MAP2: variants seen among roughly 807,000 people sequenced by gnomAD.
MAP2 encodes microtubule associated protein 2, also known as microtubule-associated protein 2.
MAP2 carries 14 observed loss-of-function variants against 137.6 expected under a neutral mutation model. The observed-to-expected ratio is 0.10, with a 90% confidence interval of 0.07 to 0.16. The LOEUF (loss-of-function observed/expected upper bound fraction) is 0.16, where lower values mean the gene tolerates loss of function less well. Among genes scored for constraint, MAP2 ranks in the 10% least tolerant of loss-of-function variants. The pLI, the probability that MAP2 is intolerant of heterozygous loss-of-function variation, is 1.00. For missense variants in MAP2, 2,088 were observed against 2,191.5 expected, an observed-to-expected ratio of 0.95 and a Z score of 0.94; for synonymous variants, 786 against 782.3, an observed-to-expected ratio of 1.00 and a Z score of -0.08.
At chr2:209,451,587 T>C (rs1272277605) in intron 1 of MAP2, among the ~76,000 whole-genome samples, 1 of 152,182 alleles carries the variant, frequency 6.6e-6, no homozygotes, top group Non-Finnish European at 1.5e-5. Flanking sequence ...ACATCCCTCC[T>C]TGGTTTCCGT....
rs1258556237 is a variant in MAP2, at chr2:209,732,344, A to G, written c.*1947A>G. On this transcript the variant is annotated 3_prime_UTR_variant, in exon 16 of 16. Transcript: ENST00000682079. ...TACAAGAAACCCTAGGAGCAAACCC[A>G]CACCACTCATTCTCAGCTAAGAGAT... 1 of 152,210 alleles carries G rather than the reference A, an allele frequency of 6.6e-6. No homozygotes were observed. Among genetic ancestry groups the G allele is most frequent in the African/African-American group, 2.4e-5 (1 of 41,460 alleles). 9.4% of individuals were successfully genotyped at this position (152,210 alleles called of 1,614,324 possible). A position where few individuals can be genotyped will look rare whatever the true frequency, so the allele number is the denominator to read the frequency against.
intron 4 of MAP2, among the ~76,000 whole-genome samples, chr2:209,629,496 C>T (rs1327119508): frequency 6.6e-6 from 1 of 152,106 alleles, no homozygotes; most frequent in African/African-American, 2.4e-5. Context: ...GTATTTTCAC[C>T]ATCCTCTCTG....
At chr2:209,712,594 T>TC (rs891252894) in intron 13 of MAP2, among the ~76,000 whole-genome samples, 4 of 152,122 alleles carry the variant, frequency 2.6e-5, no homozygotes, top group African/African-American at 9.7e-5. Flanking sequence ...TGGTATAAAT[T>TC]CACTTAAAGG....
At chr2:209,580,744 T>C (rs2076222018) in intron 3 of MAP2, among the ~76,000 whole-genome samples, 1 of 152,208 alleles carries the variant, frequency 6.6e-6, no homozygotes, top group African/African-American at 2.4e-5. Flanking sequence ...TTGAATCCAC[T>C]TGATCCTGGG....
intron 7 of MAP2, among the ~76,000 whole-genome samples, chr2:209,689,991 A>G (rs1326865552): frequency 6.6e-6 from 1 of 152,216 alleles, no homozygotes; most frequent in Non-Finnish European, 1.5e-5. Flanking sequence ...TGCTAAATAA[A>G]TTATATTTTA....
At chr2:209,664,339 C>T (rs1361813386) in intron 5 of MAP2, among the ~76,000 whole-genome samples, 4 of 152,040 alleles carry the variant, frequency 2.6e-5, no homozygotes, top group Non-Finnish European at 5.9e-5. Context: ...CACTTGAGGT[C>T]AGGAGTTCAA....
chr2:209,474,076 T>C (rs1324900646), intron 1 of MAP2, among the ~76,000 whole-genome samples: 1 of 152,158 alleles, frequency 6.6e-6, no homozygotes, highest in African/African-American at 2.4e-5. Context: ...TGAACCGATC[T>C]GAGGAGGCAA....
intron 2 of MAP2, among the ~76,000 whole-genome samples, chr2:209,558,377 CAG>C (rs1307726500): frequency 6.6e-6 from 1 of 151,908 alleles, no homozygotes; most frequent in East Asian, 1.9e-4. Flanking sequence ...TTAGTAGAGA[CAG>C]GGTTTCGCCA....
At chr2:209,712,492 G>A (rs1319962169) in intron 13 of MAP2, among the ~76,000 whole-genome samples, 1 of 152,116 alleles carries the variant, frequency 6.6e-6, no homozygotes, top group Non-Finnish European at 1.5e-5. Flanking sequence ...CCACAACAGT[G>A]GAGTTATGAG....
rs35915945 is a variant in MAP2, at chr2:209,696,201, A to G, written c.4031A>G (p.Lys1344Arg). The G allele has an allele frequency of 2.5e-6, 4 of 1,613,750 alleles. No individual in the cohort carries two copies. The Admixed American group carries it at 6.7e-5, about 27-fold the overall frequency. Residue 1344 changes from lysine (K) to arginine (R), a missense_variant, in exon 8 of 16, where the codon AAA (lysine) becomes AGA (arginine). Lys to Arg is a conservative substitution (Grantham distance 26). This residue lies in a region of MAP2 where 591 missense variants were observed against 642.6 expected (regional missense o/e 0.92). Transcript: ENST00000682079. Reference sequence around the variant, plus strand: ...GCAGCTGAAGCCCAGGCAGAACCCAAAGATGGTTCCCCAGAGGCTCCAGCT... The same window carrying G: ...GCAGCTGAAGCCCAGGCAGAACCCAGAGATGGTTCCCCAGAGGCTCCAGCT... ...EEAAEAQAEPKDGSPEAPASP... is the reference protein window; with the variant it reads ...EEAAEAQAEPRDGSPEAPASP...
At chr2:209,462,020 T>A (rs1353184764) in intron 1 of MAP2, among the ~76,000 whole-genome samples, 1 of 152,190 alleles carries the variant, frequency 6.6e-6, no homozygotes, top group Non-Finnish European at 1.5e-5. Flanking sequence ...CAATAGTACC[T>A]CATGCTTATT....
chr2:209,537,238 G>A (rs1319340172), intron 2 of MAP2, among the ~76,000 whole-genome samples: 1 of 151,858 alleles, frequency 6.6e-6, no homozygotes, highest in Non-Finnish European at 1.5e-5. Flanking sequence ...TATCTGTTAT[G>A]GTGATCTGTG....
intron 2 of MAP2, among the ~76,000 whole-genome samples, chr2:209,557,033 A>G (rs1016676767): frequency 6.6e-6 from 1 of 152,208 alleles, no homozygotes; most frequent in African/African-American, 2.4e-5. Context: ...TATATTTTGA[A>G]TATCTATGTT....
intron 2 of MAP2, among the ~76,000 whole-genome samples, chr2:209,574,417 G>A (rs2074957301): frequency 7.0e-6 from 1 of 143,276 alleles, no homozygotes; most frequent in East Asian, 2.0e-4. Flanking sequence ...CTTTTTTAGA[G>A]CTGCATAGTA....
chr2:209,573,485 G>A (rs745730004), intron 2 of MAP2, among the ~76,000 whole-genome samples: 2 of 151,682 alleles, frequency 1.3e-5, no homozygotes, highest in Non-Finnish European at 2.9e-5. Context: ...GTAGAGACAG[G>A]GTTTCCCCAT....
At chr2:209,450,588 G>T (rs1031195755) in intron 1 of MAP2, among the ~76,000 whole-genome samples, 1 of 152,096 alleles carries the variant, frequency 6.6e-6, no homozygotes, top group African/African-American at 2.4e-5. Flanking sequence ...TTCATTATTT[G>T]CTTTTGTTCA....
intron 1 of MAP2, among the ~76,000 whole-genome samples, chr2:209,453,331 G>A (rs1280445293): frequency 1.3e-5 from 2 of 152,006 alleles, no homozygotes; most frequent in African/African-American, 4.8e-5. Flanking sequence ...TGATAGTAAC[G>A]GTTTGGCATT....
intron 13 of MAP2, among the ~76,000 whole-genome samples, chr2:209,715,960 A>T (rs1221599644): frequency 2.6e-5 from 4 of 152,068 alleles, no homozygotes; most frequent in Non-Finnish European, 5.9e-5. Context: ...TATCCTAACC[A>T]TCTGATTTTG....
chr2:209,598,385 C>T (rs1579926887), intron 3 of MAP2, among the ~76,000 whole-genome samples: 1 of 151,350 alleles, frequency 6.6e-6, no homozygotes, highest in African/African-American at 2.4e-5. Context: ...ACAATGTTGT[C>T]GACTAACTGA....
Sources: gnomAD v4.1 joint callset for allele counts (sites outside exome capture counted in the v4.1 genomes callset) on GRCh38, gnomAD v4.1.1 for gene constraint, gnomAD v4.1.1 regional missense constraint, MANE v1.5 for transcripts, NCBI Gene and HGNC (gene_info 2026-07-23, HGNC 2026-07-21) for gene names.